HNF4G: variants seen among roughly 807,000 people sequenced by gnomAD.
HNF4G encodes the protein hepatocyte nuclear factor 4-gamma.
A neutral mutation model predicts 50.9 loss-of-function variants in HNF4G; 21 were observed. That is an observed-to-expected ratio of 0.41 (90% CI 0.29 to 0.59). The LOEUF (loss-of-function observed/expected upper bound fraction) is 0.59, where lower values mean the gene tolerates loss of function less well. Ranked by LOEUF, HNF4G falls within the 20% of genes least tolerant of loss-of-function variation. The pLI, the probability that HNF4G is intolerant of heterozygous loss-of-function variation, is 0.26. For missense variants in HNF4G, 527 were observed against 559.4 expected, an observed-to-expected ratio of 0.94 and a Z score of 0.58; for synonymous variants, 198 against 185.6, an observed-to-expected ratio of 1.07 and a Z score of -0.54.
intron 1 of HNF4G, among the ~76,000 whole-genome samples, chr8:75,443,171 T>G (rs1811328330): frequency 6.6e-6 from 1 of 152,150 alleles, no homozygotes; most frequent in Non-Finnish European, 1.5e-5. Context: ...GAACCTAGAC[T>G]GGGCCTTCAC....
At chr8:75,467,152 G>T (rs1429351986) in intron 1 of HNF4G, among the ~76,000 whole-genome samples, 1 of 151,876 alleles carries the variant, frequency 6.6e-6, no homozygotes, top group Non-Finnish European at 1.5e-5. Context: ...CTAGGTTTTT[G>T]GTTTTCCCTA....
chr8:75,415,242 A>T (rs1270120670), intron 1 of HNF4G, among the ~76,000 whole-genome samples: 1 of 151,988 alleles, frequency 6.6e-6, no homozygotes, highest in Non-Finnish European at 1.5e-5. Context: ...TTTCATTATC[A>T]AGTTAGAAGA....
intron 2 of HNF4G, among the ~76,000 whole-genome samples, chr8:75,517,122 T>C (rs1421905478): frequency 2.6e-5 from 4 of 152,134 alleles, no homozygotes; most frequent in African/African-American, 7.2e-5. Flanking sequence ...ATGAGACTTA[T>C]TCACTATCAC....
chr8:75,421,129 T>G (rs1028002398), intron 1 of HNF4G, among the ~76,000 whole-genome samples: 1 of 152,200 alleles, frequency 6.6e-6, no homozygotes, highest in Non-Finnish European at 1.5e-5. Context: ...CCAATATAAA[T>G]GTACAAATTA....
At chr8:75,540,809 A>G (rs565773190) in intron 1 of HNF4G, among the ~76,000 whole-genome samples, 1 of 150,732 alleles carries the variant, frequency 6.6e-6, no homozygotes, top group African/African-American at 2.4e-5. Context: ...AACTGTTAGA[A>G]CTCCTAAGAT....
At chr8:75,532,633 G>T (rs1389099501) in intron 2 of HNF4G, among the ~76,000 whole-genome samples, 1 of 151,942 alleles carries the variant, frequency 6.6e-6, no homozygotes, top group Non-Finnish European at 1.5e-5. Context: ...GGTAACATGA[G>T]GCACATATGC....
chr8:75,540,121 A>T (rs759500344), intron 1 of HNF4G, 41 bp downstream of exon 1: 1 of 1,158,276 alleles, frequency 8.6e-7, no homozygotes, highest in South Asian at 1.2e-5. Flanking sequence ...AAAAGTAAGT[A>T]TAATTGGAGA....
At chr8:75,473,666 A>T (rs891485543) in intron 1 of HNF4G, among the ~76,000 whole-genome samples, 1 of 152,200 alleles carries the variant, frequency 6.6e-6, no homozygotes, top group African/African-American at 2.4e-5. Context: ...ATCCACAATA[A>T]GATTTAACAA....
At chr8:75,425,638 T>C (rs1810875721) in intron 1 of HNF4G, among the ~76,000 whole-genome samples, 2 of 149,998 alleles carry the variant, frequency 1.3e-5, no homozygotes, top group African/African-American at 4.9e-5. Context: ...TAACCATTGC[T>C]ATGCCACATA....
chr8:75,544,834 C>T (rs1242217123), intron 2 of HNF4G, among the ~76,000 whole-genome samples: 2 of 151,864 alleles, frequency 1.3e-5, no homozygotes, highest in Admixed American at 6.6e-5. Context: ...ATAAAAGGTA[C>T]GTGTAGAATT....
chr8:75,410,623 A>G (rs1439799990), intron 1 of HNF4G, among the ~76,000 whole-genome samples: 2 of 152,250 alleles, frequency 1.3e-5, no homozygotes, highest in East Asian at 1.9e-4. Flanking sequence ...CAATAACAAC[A>G]TGTTGCAGTT....
chr8:75,461,961 A>G (rs548462307), intron 1 of HNF4G, among the ~76,000 whole-genome samples: 1 of 149,838 alleles, frequency 6.7e-6, no homozygotes, highest in African/African-American at 2.4e-5. Context: ...CTTGTTGCCC[A>G]GGCTGGAGTG....
At chr8:75,476,059 G>A (rs948734051) in intron 1 of HNF4G, among the ~76,000 whole-genome samples, 1 of 152,018 alleles carries the variant, frequency 6.6e-6, no homozygotes, top group Admixed American at 6.6e-5. Context: ...AGTGCATATT[G>A]CACCCAAAAG....
chr8:75,459,778 C>T (rs1430766742), intron 1 of HNF4G, among the ~76,000 whole-genome samples: 1 of 152,120 alleles, frequency 6.6e-6, no homozygotes, highest in South Asian at 2.1e-4. Context: ...CATGGACAGG[C>T]ACTTGTCTTC....
At chr8:75,449,987 A>G (rs1037729676) in intron 1 of HNF4G, among the ~76,000 whole-genome samples, 16 of 152,168 alleles carry the variant, frequency 1.1e-4, no homozygotes, top group African/African-American at 3.9e-4. Context: ...GTCCTTTGAC[A>G]ACAAATATCT....
At chr8:75,472,940 TAGATC>T (rs1179094980) in intron 1 of HNF4G, among the ~76,000 whole-genome samples, 7 of 152,136 alleles carry the variant, frequency 4.6e-5, no homozygotes, top group African/African-American at 1.7e-4. Flanking sequence ...TTAGAAAAGT[TAGATC>T]AGAGTGTTTA....
At chr8:75,418,156 G>T (rs1810686180) in intron 1 of HNF4G, among the ~76,000 whole-genome samples, 2 of 152,064 alleles carry the variant, frequency 1.3e-5, no homozygotes, top group African/African-American at 4.8e-5. Flanking sequence ...TCCTTGGCTT[G>T]CAGATGGCTG....
At chr8:75,419,693 C>T (rs1242883225) in intron 1 of HNF4G, among the ~76,000 whole-genome samples, 2 of 152,248 alleles carry the variant, frequency 1.3e-5, no homozygotes, top group African/African-American at 2.4e-5. Flanking sequence ...ACTTCAATGT[C>T]ACTGACAATG....
At chr8:75,435,712 G>A (rs779792590) in intron 1 of HNF4G, among the ~76,000 whole-genome samples, 7 of 152,114 alleles carry the variant, frequency 4.6e-5, no homozygotes, top group Non-Finnish European at 1.0e-4. Flanking sequence ...TCCTGACTCA[G>A]CCTCCCAAGA....
Sources: gnomAD v4.1 joint callset for allele counts (sites outside exome capture counted in the v4.1 genomes callset) on GRCh38, gnomAD v4.1.1 for gene constraint, MANE v1.5 for transcripts, NCBI Gene and HGNC (gene_info 2026-07-23, HGNC 2026-07-21) for gene names.